SIL1: variants seen among roughly 807,000 people sequenced by gnomAD.
The protein encoded by SIL1 is SIL1 nucleotide exchange factor.
A neutral mutation model predicts 49.1 loss-of-function variants in SIL1; 40 were observed. The observed-to-expected ratio is 0.81, with a 90% confidence interval of 0.63 to 1.06. The LOEUF is 1.06. Ranked by LOEUF, SIL1 falls within the 50% of genes least tolerant of loss-of-function variation. The pLI is 0.00. For missense variants in SIL1, 500 were observed against 572.6 expected (o/e 0.87, Z 1.29); for synonymous variants, 253 against 250.8 (o/e 1.01, Z -0.08).
chr5:139,169,306 A>G (rs1330612062), intron 1 of SIL1, among the ~76,000 whole-genome samples: 3 of 152,330 alleles, frequency 2.0e-5, no homozygotes, highest in Non-Finnish European at 4.4e-5. Flanking sequence ...AGCCTATGAC[A>G]ATAAAAACAA....
At chr5:138,971,620 G>A (rs541666420) in intron 7 of SIL1, among the ~76,000 whole-genome samples, 4 of 152,154 alleles carry the variant, frequency 2.6e-5, no homozygotes, top group Admixed American at 6.5e-5. Flanking sequence ...GGTCAAGAGC[G>A]GGGATGAGGC....
intron 6 of SIL1, among the ~76,000 whole-genome samples, chr5:139,026,253 T>C (rs1768647586): frequency 6.6e-6 from 1 of 152,212 alleles, no homozygotes; most frequent in Non-Finnish European, 1.5e-5. Context: ...ACTATGTCTA[T>C]TTTATCTCTG....
In SIL1 at chr5:139,042,694, T is replaced by C; in HGVS notation, c.379A>G (p.Thr127Ala). 1 of 1,614,072 alleles carries C rather than the reference T, an allele frequency of 6.2e-7. No homozygotes were observed. Among genetic ancestry groups the C allele is most frequent in the Non-Finnish European group, 8.5e-7 (1 of 1,179,996 alleles). Residue 127 changes from threonine to alanine, a missense_variant, in exon 5 of 10, where the codon ACA becomes GCA. Transcript: ENST00000394817. ...AGTGCACTCTTGAGATCCTGAGATG[T>C]GTAGGTGTTGGTGTTGATATCCAGC... ...KRLDINTNTYTSQDLKSALAK... is the reference protein window; with the variant it reads ...KRLDINTNTYASQDLKSALAK...
chr5:139,174,804 G>A (rs1307724133), intron 1 of SIL1, among the ~76,000 whole-genome samples: 6 of 151,522 alleles, frequency 4.0e-5, no homozygotes, highest in African/African-American at 1.2e-4. Flanking sequence ...CGGGCATCAT[G>A]TTATGTGCCT....
At chr5:138,977,366 G>A (rs1378305605) in intron 7 of SIL1, among the ~76,000 whole-genome samples, 7 of 152,192 alleles carry the variant, frequency 4.6e-5, no homozygotes, top group African/African-American at 1.7e-4. Flanking sequence ...ATACCAGGAA[G>A]AGCTTCCTAC....
intron 7 of SIL1, among the ~76,000 whole-genome samples, chr5:138,991,259 G>C (rs947579164): frequency 6.6e-6 from 1 of 152,226 alleles, no homozygotes; most frequent in African/African-American, 2.4e-5. Context: ...GTGGGACCAA[G>C]GCAACTGATT....
At chr5:139,040,491 CTTTTTTCT>C (rs1476787143) in intron 5 of SIL1, among the ~76,000 whole-genome samples, 1,663 of 97,172 alleles carry the variant, frequency 0.017, 24 homozygotes, top group African/African-American at 0.067. Context: ...TTTCTTTTTT[CTTTTTTCT>C]TTTTTTTTTT....
intron 2 of SIL1, among the ~76,000 whole-genome samples, chr5:139,122,616 G>A (rs2151794149): frequency 6.6e-6 from 1 of 151,902 alleles, no homozygotes; most frequent in East Asian, 1.9e-4. Flanking sequence ...AAAGTGCCTG[G>A]CTCCAGATAA....
At chr5:139,170,083 G>A (rs973408527) in intron 1 of SIL1, among the ~76,000 whole-genome samples, 5 of 152,208 alleles carry the variant, frequency 3.3e-5, no homozygotes, top group African/African-American at 1.2e-4. Context: ...TGGCCGGGCT[G>A]GTCTCCAGCT....
chr5:139,109,357 G>A (rs1387667015), intron 3 of SIL1, among the ~76,000 whole-genome samples: 1 of 152,008 alleles, frequency 6.6e-6, no homozygotes. Context: ...CTGTGTTTAG[G>A]GACATAAGAA....
intron 8 of SIL1, 114 bp downstream of exon 8, chr5:138,951,674 G>C: frequency 9.8e-7 from 1 of 1,018,046 alleles, no homozygotes; most frequent in Non-Finnish European, 1.5e-6. Flanking sequence ...GTGCCACCCA[G>C]CAGATGATGC....
chr5:139,064,434 G>A (rs1238601000), intron 3 of SIL1, among the ~76,000 whole-genome samples: 1 of 152,188 alleles, frequency 6.6e-6, no homozygotes. Context: ...AACAGGTACA[G>A]TGCAGAGACG....
At chr5:139,144,726 C>T (rs1751158426) in intron 1 of SIL1, among the ~76,000 whole-genome samples, 1 of 152,098 alleles carries the variant, frequency 6.6e-6, no homozygotes, top group African/African-American at 2.4e-5. Flanking sequence ...CAAAAATTAG[C>T]CGGGCGTGGT....
chr5:138,956,188 G>A (rs570507440), intron 7 of SIL1, among the ~76,000 whole-genome samples: 1 of 152,302 alleles, frequency 6.6e-6, no homozygotes, highest in Admixed American at 6.5e-5. Flanking sequence ...ATGATGCCAT[G>A]CACTGAGGGC....
rs192477002 is a variant in SIL1 at position 139,062,660 on chromosome 5, C to T, written c.245-11614G>A. Among the ~76,000 whole-genome samples, 517 of 152,314 alleles carry T rather than the reference C, an allele frequency of 3.4e-3. 1 individual carries two copies. Among genetic ancestry groups the T allele is most frequent in the Middle Eastern group, 0.017 (5 of 294 alleles). The stretch of plus-strand genomic sequence containing the variant: ...TTCTACACAGAATTCACAAGAGTAA[C>T]GCTTTCCACAGACAAGGACTATCAA... On this transcript the variant is annotated intron_variant, in intron 3 of 9. Transcript: ENST00000394817.
intron 3 of SIL1, among the ~76,000 whole-genome samples, chr5:139,099,767 A>G (rs1215776431): frequency 1.3e-5 from 2 of 152,194 alleles, no homozygotes; most frequent in African/African-American, 4.8e-5. Flanking sequence ...AAGGATGGTT[A>G]CCATAGGCTA....
intron 7 of SIL1, among the ~76,000 whole-genome samples, chr5:138,963,881 T>C (rs187764868): frequency 4.6e-5 from 7 of 152,314 alleles, no homozygotes; most frequent in Admixed American, 2.0e-4. Context: ...CCTGGCCACT[T>C]GGCTCACATT....
intron 7 of SIL1, among the ~76,000 whole-genome samples, chr5:139,018,188 G>C (rs1252739225): frequency 3.3e-5 from 5 of 152,066 alleles, no homozygotes; most frequent in Non-Finnish European, 7.4e-5. Flanking sequence ...TGGAATAATT[G>C]CTTCATGTTT....
intron 3 of SIL1, among the ~76,000 whole-genome samples, chr5:139,057,586 G>A (rs1769484561): frequency 1.3e-5 from 2 of 152,098 alleles, no homozygotes; most frequent in Admixed American, 6.5e-5. Flanking sequence ...CCAGGAACAG[G>A]TGGCAAGAGT....
Sources: allele counts gnomAD v4.1 joint callset (sites outside exome capture counted in the v4.1 genomes callset), GRCh38; gene constraint gnomAD v4.1.1; transcripts MANE v1.5; gene names NCBI Gene and HGNC (gene_info 2026-07-23, HGNC 2026-07-21).